The following NAALADL2 variants were observed in gnomAD, a reference collection of about 807,000 sequenced individuals.
NAALADL2 encodes inactive N-acetylated-alpha-linked acidic dipeptidase-like protein 2.
NAALADL2 carries 76 observed loss-of-function variants against 87.2 expected under a neutral mutation model. The ratio of observed to expected loss-of-function variants is 0.87; its 90% confidence interval spans 0.72 to 1.05. NAALADL2 has a LOEUF of 1.05. Among genes scored for constraint, NAALADL2 ranks in the 50% least tolerant of loss-of-function variants. The pLI is 0.00. For missense variants in NAALADL2, 1,089 were observed against 945.8 expected (o/e 1.15, Z -1.99); for synonymous variants, 354 against 331.0 (o/e 1.07, Z -0.75).
intron 2 of NAALADL2, among the ~76,000 whole-genome samples, chr3:175,139,548 G>A (rs775202960): frequency 6.6e-5 from 10 of 151,682 alleles, no homozygotes; most frequent in Non-Finnish European, 1.2e-4. Context: ...GAAATGCTAC[G>A]TAGATGATTC....
At chr3:175,479,300 A>G (rs1490251759) in intron 9 of NAALADL2, among the ~76,000 whole-genome samples, 1 of 151,868 alleles carries the variant, frequency 6.6e-6, no homozygotes, top group Admixed American at 6.6e-5. Context: ...AGTTAAACAA[A>G]CAAATATACC....
chr3:174,911,816 G>A (rs778217452), intron 1 of NAALADL2, among the ~76,000 whole-genome samples: 1 of 151,950 alleles, frequency 6.6e-6, no homozygotes, highest in Non-Finnish European at 1.5e-5. Flanking sequence ...TGCCCTTTAC[G>A]ATGTAGCCTC....
intron 2 of NAALADL2, among the ~76,000 whole-genome samples, chr3:175,131,864 C>G (rs1218174831): frequency 5.8e-5 from 3 of 51,884 alleles, no homozygotes; most frequent in African/African-American, 1.1e-4. Context: ...GCTGGCCGGG[C>G]GGGGTCTGAC....
At chr3:175,258,864 T>A (rs1750534380) in intron 4 of NAALADL2, among the ~76,000 whole-genome samples, 2 of 152,216 alleles carry the variant, frequency 1.3e-5, no homozygotes, top group African/African-American at 2.4e-5. Context: ...GTGTTGACAT[T>A]GGCCTGCATC....
rs184773371 is a variant in NAALADL2, at chr3:175,762,000, T to G, written c.2189+6582T>G. On this transcript the variant is annotated intron_variant, in intron 13 of 13. Coordinates refer to ENST00000454872, the MANE Select transcript of NAALADL2 (RefSeq NM_207015.3). The stretch of plus-strand genomic sequence containing the variant: ...GCAGAGCAGAAGTTGTTAATTTTAA[T>G]GAAATTTGAAAATTAAATCATAATT... Among the ~76,000 whole-genome samples the G allele has an allele frequency of 2.8e-3, 431 of 152,254 alleles. 1 individual carries two copies. Among genetic ancestry groups the G allele is most frequent in the African/African-American group, 9.7e-3 (405 of 41,564 alleles).
At chr3:175,127,874 A>G (rs1219871602) in intron 2 of NAALADL2, among the ~76,000 whole-genome samples, 2 of 152,186 alleles carry the variant, frequency 1.3e-5, no homozygotes, top group Non-Finnish European at 1.5e-5. Context: ...ATGAATAAAT[A>G]TTATGAAAGA....
chr3:175,718,057 G>A (rs9845004), intron 11 of NAALADL2, among the ~76,000 whole-genome samples: 5,512 of 151,792 alleles, frequency 0.036, 324 homozygotes, highest in African/African-American at 0.13. Flanking sequence ...ATCATTTACA[G>A]TATCTTAAGA....
intron 11 of NAALADL2, among the ~76,000 whole-genome samples, chr3:175,700,110 G>A (rs1738779598): frequency 6.6e-6 from 1 of 152,116 alleles, no homozygotes; most frequent in Non-Finnish European, 1.5e-5. Flanking sequence ...GCTCTTTTGA[G>A]AGCAGACGTT....
chr3:175,472,788 C>T (rs562217866), intron 9 of NAALADL2, among the ~76,000 whole-genome samples: 1 of 152,190 alleles, frequency 6.6e-6, no homozygotes, highest in East Asian at 1.9e-4. Flanking sequence ...CAGCCAATCC[C>T]CTGTGTGCAT....
At chr3:174,521,606 A>G (rs1276667094) in intron 1 of NAALADL2, among the ~76,000 whole-genome samples, 5 of 151,412 alleles carry the variant, frequency 3.3e-5, no homozygotes, top group Non-Finnish European at 5.9e-5. Context: ...AGAAAAGAAA[A>G]GAAATACTGT....
chr3:174,904,676 C>G (rs1732761325), intron 1 of NAALADL2, among the ~76,000 whole-genome samples: 1 of 151,734 alleles, frequency 6.6e-6, no homozygotes, highest in African/African-American at 2.4e-5. Context: ...GTTTCATATC[C>G]TTTTACAAAT....
intron 6 of NAALADL2, among the ~76,000 whole-genome samples, chr3:175,449,400 T>TTC (rs1560570345): frequency 6.8e-6 from 1 of 147,516 alleles, no homozygotes; most frequent in East Asian, 2.0e-4. Flanking sequence ...TCTTCTTTTT[T>TTC]TTTTTTTTTT....
chr3:175,043,678 G>C (rs1041912811), intron 1 of NAALADL2, among the ~76,000 whole-genome samples: 2 of 152,224 alleles, frequency 1.3e-5, no homozygotes, highest in Non-Finnish European at 2.9e-5. Flanking sequence ...TGTCAAATTA[G>C]TTGACCTTAA....
At chr3:175,147,676 C>T (rs1730942814) in intron 2 of NAALADL2, among the ~76,000 whole-genome samples, 1 of 152,156 alleles carries the variant, frequency 6.6e-6, no homozygotes, top group Admixed American at 6.6e-5. Context: ...AAACTGCTTT[C>T]CACAGTGGCT....
chr3:175,183,146 A>G (rs891409157), intron 2 of NAALADL2, among the ~76,000 whole-genome samples: 13 of 152,018 alleles, frequency 8.6e-5, no homozygotes, highest in African/African-American at 3.1e-4. Context: ...GAACATTTTA[A>G]CATTATCATT....
At chr3:174,972,056 G>T (rs1743754673) in intron 1 of NAALADL2, among the ~76,000 whole-genome samples, 2 of 151,906 alleles carry the variant, frequency 1.3e-5, no homozygotes, top group Admixed American at 6.6e-5. Flanking sequence ...TCTTTATCCT[G>T]CCCATGAACA....
chr3:175,637,970 G>A (rs1020230838), intron 11 of NAALADL2, among the ~76,000 whole-genome samples: 1 of 152,130 alleles, frequency 6.6e-6, no homozygotes, highest in Admixed American at 6.5e-5. Flanking sequence ...CCAATTTAAT[G>A]TCTAAAGAAT....
intron 5 of NAALADL2, among the ~76,000 whole-genome samples, chr3:175,389,082 A>G (rs1768769875): frequency 6.6e-6 from 1 of 152,124 alleles, no homozygotes; most frequent in Non-Finnish European, 1.5e-5. Flanking sequence ...CAGATTACCA[A>G]TATTTCTAAT....
chr3:175,409,267 T>C (rs16825650), intron 5 of NAALADL2, among the ~76,000 whole-genome samples: 4,873 of 148,076 alleles, frequency 0.033, 262 homozygotes, highest in African/African-American at 0.12. Flanking sequence ...TTCTCTTTTT[T>C]ACTTGTTACT....
Sources: gnomAD v4.1 joint callset for allele counts (sites outside exome capture counted in the v4.1 genomes callset) on GRCh38, gnomAD v4.1.1 for gene constraint, MANE v1.5 for transcripts, NCBI Gene and HGNC (gene_info 2026-07-23, HGNC 2026-07-21) for gene names.